The following TCEA1 variants were observed in gnomAD, a reference collection of about 807,000 sequenced individuals.
TCEA1 encodes the protein transcription elongation factor A protein 1.
Under a neutral mutation model 43.8 loss-of-function variants are expected in TCEA1, and 21 were observed. That is an observed-to-expected ratio of 0.48 (90% CI 0.34 to 0.69). The LOEUF (loss-of-function observed/expected upper bound fraction) is 0.69, where lower values mean the gene tolerates loss of function less well. Ranked by LOEUF, TCEA1 falls within the 30% of genes least tolerant of loss-of-function variation. The probability of loss-of-function intolerance (pLI) is 0.01; values close to 1 mark genes in which losing one functional copy is unlikely to be tolerated. For synonymous variants in TCEA1, 104 were observed against 117.5 expected, an observed-to-expected ratio of 0.88 and a Z score of 0.75; for missense variants, 250 against 365.1, an observed-to-expected ratio of 0.68 and a Z score of 2.57.
At chr8:54,008,660 T>G (rs1172270201) in intron 2 of TCEA1, among the ~76,000 whole-genome samples, 1 of 119,622 alleles carries the variant, frequency 8.4e-6, no homozygotes, top group Non-Finnish European at 1.6e-5. Context: ...AGACCTTATC[T>G]TAAAAAAAAA....
In TCEA1 at chr8:53,991,927, GACATTA is replaced by G. The variant is rs558980642; in HGVS notation, c.320+1735_320+1740del. ...AATACAAAAAAATAACAGTGTATGA[GACATTA>G]ACATTAACATGAAGAGTACATGATC... On this transcript the variant is annotated intron_variant, in intron 4 of 9. Coordinates refer to ENST00000521604, the MANE Select transcript of TCEA1 (RefSeq NM_006756.4). Among the ~76,000 whole-genome samples, 53 of 151,928 alleles carry G rather than the reference GACATTA, an allele frequency of 3.5e-4. No homozygotes were observed. In the South Asian group the frequency reaches 3.7e-3, roughly 11 times the overall value.
At chr8:53,990,414 G>C (rs977585038) in intron 4 of TCEA1, among the ~76,000 whole-genome samples, 3 of 149,770 alleles carry the variant, frequency 2.0e-5, no homozygotes, top group African/African-American at 7.4e-5. Context: ...CCAGACTGGA[G>C]TGCAGTGAAA....
At chr8:53,985,174 G>A (rs923762803) in intron 6 of TCEA1, among the ~76,000 whole-genome samples, 1 of 151,986 alleles carries the variant, frequency 6.6e-6, no homozygotes, top group African/African-American at 2.4e-5. Flanking sequence ...CTGCCACCAT[G>A]CCCGGCTAAT....
At chr8:53,968,622 T>G (rs1803061669) in intron 9 of TCEA1, among the ~76,000 whole-genome samples, 1 of 151,800 alleles carries the variant, frequency 6.6e-6, no homozygotes, top group Admixed American at 6.6e-5. Flanking sequence ...GATGGGCAGA[T>G]CATGAGGTCA....
At chr8:53,990,547 G>T (rs986596932) in intron 4 of TCEA1, among the ~76,000 whole-genome samples, 6 of 151,986 alleles carry the variant, frequency 3.9e-5, no homozygotes, top group African/African-American at 1.5e-4. Context: ...ATTACTTGTA[G>T]AGACAGGGCC....
At chr8:54,003,254 T>C (rs753977262) in intron 2 of TCEA1, among the ~76,000 whole-genome samples, 1 of 152,210 alleles carries the variant, frequency 6.6e-6, no homozygotes, top group Non-Finnish European at 1.5e-5. Context: ...CTCATGTCGA[T>C]AGACCGGAAG....
At chr8:53,996,294 C>T (rs1804050105) in intron 3 of TCEA1, among the ~76,000 whole-genome samples, 1 of 152,362 alleles carries the variant, frequency 6.6e-6, no homozygotes, top group East Asian at 1.9e-4. Context: ...GGAGGTGCTC[C>T]AGCTCTGGAC....
At chr8:54,017,005 A>G (rs1266746589) in intron 1 of TCEA1, among the ~76,000 whole-genome samples, 1 of 150,232 alleles carries the variant, frequency 6.7e-6, no homozygotes, top group Non-Finnish European at 1.5e-5. Flanking sequence ...AAAAAAGACT[A>G]TACTAAGCAA....
Position 54,022,215 on chromosome 8 carries a change from C to A in TCEA1, c.-90G>T. ...AAGACACAGCAGGAGCGACCCCCGGCGCGCAGCAACCCCCACCACCGCAGG... is the reference window on the plus strand; with the variant it reads ...AAGACACAGCAGGAGCGACCCCCGGAGCGCAGCAACCCCCACCACCGCAGG... On this transcript the variant is annotated 5_prime_UTR_variant, in exon 1 of 10. Transcript: ENST00000521604. The A allele has an allele frequency of 4.3e-6, 6 of 1,409,692 alleles. No individual in the cohort carries two copies. Among genetic ancestry groups the A allele is most frequent in the Non-Finnish European group, 5.0e-6 (5 of 1,008,554 alleles). 87.3% of individuals were successfully genotyped at this position (1,409,692 alleles called of 1,614,324 possible).
Position 54,022,313 on chromosome 8 carries a change from C to T in TCEA1, c.-188G>A. ...GGCGGCGGCGGCGGCTCCGGCTCCT[C>T]CTCCCCAGGCAGCGACAATCGAACA... On this transcript the variant is annotated 5_prime_UTR_variant, in exon 1 of 10. Coordinates refer to ENST00000521604, the MANE Select transcript of TCEA1 (RefSeq NM_006756.4). 1 of 670,644 alleles carries T rather than the reference C, an allele frequency of 1.5e-6. No homozygotes were observed. Among genetic ancestry groups the T allele is most frequent in the Non-Finnish European group, 2.6e-6 (1 of 391,496 alleles). 41.5% of individuals were successfully genotyped at this position (670,644 alleles called of 1,614,324 possible). A position where few individuals can be genotyped will look rare whatever the true frequency, so the allele number is the denominator to read the frequency against.
chr8:54,020,692 G>C (rs1664050039), intron 1 of TCEA1, among the ~76,000 whole-genome samples: 1 of 152,194 alleles, frequency 6.6e-6, no homozygotes, highest in African/African-American at 2.4e-5. Flanking sequence ...TGTACTCACA[G>C]CTCTGTGTGA....
intron 1 of TCEA1, among the ~76,000 whole-genome samples, chr8:54,016,673 T>C (rs372861214): frequency 3.5e-4 from 53 of 151,396 alleles, no homozygotes; most frequent in African/African-American, 1.2e-3. Flanking sequence ...ACCCTGTCTC[T>C]ACTAAAAATA....
chr8:53,987,894 A>G (rs1803737789), intron 5 of TCEA1, among the ~76,000 whole-genome samples: 2 of 152,216 alleles, frequency 1.3e-5, no homozygotes, highest in Non-Finnish European at 2.9e-5. Context: ...ATTAGAGGGA[A>G]TCTATTTCTT....
intron 3 of TCEA1, among the ~76,000 whole-genome samples, chr8:53,993,969 A>T (rs1803965432): frequency 6.6e-6 from 1 of 152,210 alleles, no homozygotes; most frequent in African/African-American, 2.4e-5. Context: ...GGGAACTACA[A>T]ATTCACATGC....
At position 53,978,040 on chromosome 8, in the gene TCEA1, T is replaced by G. The variant is rs549261912; in HGVS notation, c.825+985A>C. Among the ~76,000 whole-genome samples the G allele has an allele frequency of 3.3e-5, 5 of 152,324 alleles. No individual in the cohort carries two copies. The South Asian group carries it at 1.0e-3, about 32-fold the overall frequency. ...TTTATAAATTTTGACATAGCTTTCA[T>G]AGTAACTATTTCTGTGAAAGTATAA... On this transcript the variant is annotated intron_variant, in intron 8 of 9. Transcript: ENST00000521604.
intron 1 of TCEA1, among the ~76,000 whole-genome samples, chr8:54,011,713 A>G (rs1363585605): frequency 6.6e-6 from 1 of 152,254 alleles, no homozygotes; most frequent in East Asian, 1.9e-4. Flanking sequence ...AGACTCTCAT[A>G]GTATCACTTT....
intron 8 of TCEA1, chr8:53,971,383 G>A (rs907384174): frequency 3.3e-5 from 5 of 152,392 alleles, no homozygotes; most frequent in Non-Finnish European, 5.9e-5. Context: ...GGCTGAGGCA[G>A]GTGGATCACT....
chr8:53,972,749 A>T (rs528139910), intron 8 of TCEA1: 109 of 706,856 alleles, frequency 1.5e-4, no homozygotes, highest in African/African-American at 1.0e-3. Context: ...AACTCAAATG[A>T]CTGAAGTACT....
chr8:53,999,445 A>G (rs558342392), intron 3 of TCEA1, among the ~76,000 whole-genome samples: 3 of 152,246 alleles, frequency 2.0e-5, no homozygotes, highest in South Asian at 4.1e-4. Flanking sequence ...AATACACGCA[A>G]GTATTTAAAG....
Sources: allele counts gnomAD v4.1 joint callset (sites outside exome capture counted in the v4.1 genomes callset), GRCh38; gene constraint gnomAD v4.1.1; transcripts MANE v1.5; gene names NCBI Gene and HGNC (gene_info 2026-07-23, HGNC 2026-07-21).